Variants in YTHDC2 observed in about 807,000 individuals in gnomAD.
YTHDC2 encodes 3'-5' RNA helicase YTHDC2.
YTHDC2 carries 45 observed loss-of-function variants against 174.9 expected under a neutral mutation model. That is an observed-to-expected ratio of 0.26 (90% CI 0.20 to 0.33). The LOEUF is 0.33. Ranked by LOEUF, YTHDC2 falls within the 10% of genes least tolerant of loss-of-function variation. The pLI is 1.00. For synonymous variants in YTHDC2, 657 were observed against 574.5 expected (o/e 1.14, Z -2.05); for missense variants, 1,650 against 1,723.7 (o/e 0.96, Z 0.76).
chr5:113,550,280 G>T (rs532882273), intron 12 of YTHDC2, among the ~76,000 whole-genome samples: 1 of 151,910 alleles, frequency 6.6e-6, no homozygotes, highest in South Asian at 2.1e-4. Flanking sequence ...CTCTGTGGGG[G>T]AAAAATTTAC....
intron 22 of YTHDC2, 112 bp from the exon 23 acceptor site, chr5:113,567,542 C>T (rs1376128864): frequency 6.1e-5 from 56 of 916,400 alleles, no homozygotes; most frequent in Non-Finnish European, 8.5e-5. Flanking sequence ...TTTTTGCTTA[C>T]GTACTAATAT....
intron 23 of YTHDC2, among the ~76,000 whole-genome samples, chr5:113,573,832 T>A (rs1777877142): frequency 6.6e-6 from 1 of 152,204 alleles, no homozygotes. Flanking sequence ...TCGGTTATGT[T>A]CTTCTCTAAA....
intron 23 of YTHDC2, among the ~76,000 whole-genome samples, chr5:113,571,839 TTG>T (rs1291222703): frequency 1.3e-5 from 2 of 152,168 alleles, no homozygotes; most frequent in Non-Finnish European, 2.9e-5. Flanking sequence ...ATCATTTTTA[TTG>T]TGTCTATTTG....
chr5:113,535,403 A>G (rs1156657964), intron 6 of YTHDC2, among the ~76,000 whole-genome samples: 1 of 152,078 alleles, frequency 6.6e-6, no homozygotes, highest in Non-Finnish European at 1.5e-5. Context: ...GCATGGGGGA[A>G]GGCCCTGGAA....
At chr5:113,538,980 T>G in intron 7 of YTHDC2, 94 bp from the exon 8 acceptor site, 1 of 615,984 alleles carries the variant, frequency 1.6e-6, no homozygotes, top group Non-Finnish European at 2.7e-6. Context: ...CTTTTGGATA[T>G]TATACTGAGA....
At position 113,532,944 on chromosome 5, in the gene YTHDC2, A is replaced by C. The variant is rs376001160; in HGVS notation, c.741A>C (p.Gln247His). The C allele has an allele frequency of 1.2e-6, 2 of 1,614,180 alleles. No homozygotes were observed. The highest frequency in any genetic ancestry group is 1.7e-5 in the Admixed American group (1 of 60,022). ...TCCCCTGCCGTATATTTTGTACTCA[A>C]CCAAGACGATTGGCAGCTATCGCTG... ...NGIPCRIFCT[Q>H]PRRLAAIAVA... Residue 247 changes from glutamine to histidine, a missense_variant, in exon 5 of 30, where the codon CAA becomes CAC. Around this residue, in one of 5 missense-constraint regions of YTHDC2, gnomAD observed 304 missense variants for 341.4 expected, o/e 0.89. Coordinates refer to ENST00000161863, the MANE Select transcript of YTHDC2 (RefSeq NM_022828.5).
chr5:113,575,487 A>C (rs1293656091), intron 23 of YTHDC2, among the ~76,000 whole-genome samples: 1 of 152,204 alleles, frequency 6.6e-6, no homozygotes, highest in Non-Finnish European at 1.5e-5. Flanking sequence ...GAGAAGACTT[A>C]AACTGAGACC....
chr5:113,541,279 C>T (rs10066289), intron 9 of YTHDC2, among the ~76,000 whole-genome samples, 163 bp downstream of exon 9: 5,179 of 151,448 alleles, frequency 0.034, 138 homozygotes, highest in African/African-American at 0.075. Flanking sequence ...GCAAGCTCCG[C>T]GTTCCGGGTT....
At chr5:113,565,100 C>T (rs1294007827) in intron 20 of YTHDC2, among the ~76,000 whole-genome samples, 2 of 152,190 alleles carry the variant, frequency 1.3e-5, no homozygotes, top group African/African-American at 2.4e-5. Flanking sequence ...CATGTGTGAG[C>T]CACCATGCCC....
At chr5:113,590,350 C>T (rs1380226595) in intron 26 of YTHDC2, among the ~76,000 whole-genome samples, 2 of 152,192 alleles carry the variant, frequency 1.3e-5, no homozygotes. Flanking sequence ...CTTCTGTGGG[C>T]CAGTACCATA....
Position 113,524,879 on chromosome 5 carries a change from T to A in YTHDC2, c.279-102T>A, listed in dbSNP as rs1774109094. ...CATCTTCTCCCAAAGCATTTTGATT[T>A]TTTTCAGTGTTTTGCTTGAGACATA... On this transcript the variant is annotated intron_variant, in intron 2 of 29. Transcript: ENST00000161863. 5 of 876,494 alleles carry A rather than the reference T, an allele frequency of 5.7e-6. No homozygotes were observed. The Admixed American group carries it at 1.6e-4, about 28-fold the overall frequency. 54.3% of individuals were successfully genotyped at this position (876,494 alleles called of 1,614,324 possible).
chr5:113,583,030 A>T (rs979790500), intron 25 of YTHDC2: 14 of 152,188 alleles, frequency 9.2e-5, no homozygotes, highest in Admixed American at 6.5e-5. Flanking sequence ...ATATATTTCC[A>T]TAGGAGTTAT....
chr5:113,571,303 C>T (rs1777699809), intron 23 of YTHDC2, among the ~76,000 whole-genome samples: 1 of 152,162 alleles, frequency 6.6e-6, no homozygotes, highest in African/African-American at 2.4e-5. Flanking sequence ...TATGTTGAAC[C>T]AGCCTTGCAT....
chr5:113,565,720 G>C (rs535507112), intron 20 of YTHDC2, 173 bp from the exon 21 acceptor site: 2 of 590,626 alleles, frequency 3.4e-6, no homozygotes, highest in Non-Finnish European at 5.1e-6. Flanking sequence ...TTTAGCATTT[G>C]AGTATAAATT....
intron 18 of YTHDC2, among the ~76,000 whole-genome samples, chr5:113,562,524 G>A (rs1777062717): frequency 6.6e-6 from 1 of 152,192 alleles, no homozygotes. Flanking sequence ...CTTAACAAGA[G>A]CGTAAATTGC....
At position 113,594,393 on chromosome 5, in the gene YTHDC2, C is replaced by A. The variant is rs1779155593; in HGVS notation, c.*919C>A. 1.3e-5 allele frequency: 2 copies of A among 152,322 alleles called. No individual in the cohort carries two copies. 9.4% of individuals were successfully genotyped at this position (152,322 alleles called of 1,614,324 possible). A position where few individuals can be genotyped will look rare whatever the true frequency, so the allele number is the denominator to read the frequency against. ...AAATTCTCAACTGGTAGCTTGCTTG[C>A]TGTGCGTCTTCCAAACTAAAGCCTG... On this transcript the variant is annotated 3_prime_UTR_variant, in exon 30 of 30. Transcript: ENST00000161863.
chr5:113,540,424 A>C (rs1775372206), intron 8 of YTHDC2, among the ~76,000 whole-genome samples: 1 of 152,206 alleles, frequency 6.6e-6, no homozygotes, highest in African/African-American at 2.4e-5. Flanking sequence ...ACACTGCTGT[A>C]AAGATACTAC....
chr5:113,529,960 A>G (rs951446008), intron 4 of YTHDC2, among the ~76,000 whole-genome samples: 4 of 152,002 alleles, frequency 2.6e-5, no homozygotes, highest in East Asian at 1.9e-4. Context: ...GGGTATCACT[A>G]TGTTTCCCAG....
At chr5:113,540,600 C>T (rs781672837) in intron 8 of YTHDC2, among the ~76,000 whole-genome samples, 4 of 152,108 alleles carry the variant, frequency 2.6e-5, no homozygotes, top group Non-Finnish European at 4.4e-5. Context: ...ATACCAGATG[C>T]TTATAAAACC....
Sources: gnomAD v4.1 joint callset for allele counts (sites outside exome capture counted in the v4.1 genomes callset) on GRCh38, gnomAD v4.1.1 for gene constraint, gnomAD v4.1.1 regional missense constraint, MANE v1.5 for transcripts, NCBI Gene and HGNC (gene_info 2026-07-23, HGNC 2026-07-21) for gene names.